C1QTNF3: variants seen among roughly 807,000 people sequenced by gnomAD.
C1QTNF3 encodes the protein C1q and TNF related 3.
C1QTNF3 carries 26 observed loss-of-function variants against 32.6 expected under a neutral mutation model. The observed-to-expected ratio is 0.80, with a 90% confidence interval of 0.58 to 1.11. The LOEUF (loss-of-function observed/expected upper bound fraction) is 1.11. C1QTNF3 is among the 50% of genes least tolerant of loss of function. The probability of loss-of-function intolerance (pLI) is 0.00; values close to 1 mark genes in which losing one functional copy is unlikely to be tolerated. For synonymous variants in C1QTNF3, 155 were observed against 146.0 expected (o/e 1.06, Z -0.44); for missense variants, 362 against 398.2 (o/e 0.91, Z 0.77).
At position 34,020,639 on chromosome 5, in the gene C1QTNF3, C is replaced by G; in HGVS notation, c.904G>C (p.Gly302Arg). 6.2e-7 allele frequency: 1 copy of G among 1,614,214 alleles called. No homozygotes were observed. Among genetic ancestry groups the G allele is most frequent in the Non-Finnish European group, 8.5e-7 (1 of 1,180,038 alleles). ...AAGGTGGAGAAGCGTTGGTGGTCCC[C>G]ATGGAGAGCGCCATTGCCCATTCGC... ...WLRMGNGALH[G>R]DHQRFSTFAG... is the part of the protein sequence containing the mutation. Residue 302 changes from glycine (G) to arginine (R), a missense_variant, in exon 6 of 6, where the codon GGG becomes CGG. By Grantham distance (125) the Gly-to-Arg change is moderately radical (BLOSUM62 -2). Transcript: ENST00000382065.
chr5:34,227,984 T>A, the C1QTNF3 span, among the ~76,000 whole-genome samples: 3 of 151,706 alleles, frequency 2.0e-5, no homozygotes, highest in East Asian at 5.8e-4. Context: ...AATCCTTTTT[T>A]TTTTTTTTTC....
chr5:34,066,307 G>A, the C1QTNF3 span, among the ~76,000 whole-genome samples: 1 of 152,132 alleles, frequency 6.6e-6, no homozygotes, highest in African/African-American at 2.4e-5. Context: ...TGACATTCCT[G>A]GTTGGGGGAG....
intron 5 of C1QTNF3, among the ~76,000 whole-genome samples, chr5:34,022,584 G>T (rs1277318679): frequency 1.3e-5 from 2 of 152,218 alleles, no homozygotes; most frequent in African/African-American, 4.8e-5. Context: ...GTAGGAAGAA[G>T]AATTCAGCAG....
chr5:34,057,915 C>T, the C1QTNF3 span, among the ~76,000 whole-genome samples: 1 of 152,182 alleles, frequency 6.6e-6, no homozygotes, highest in Non-Finnish European at 1.5e-5. Flanking sequence ...TCGTGCCATG[C>T]CATTAACCAG....
At chr5:34,237,082 G>A in the C1QTNF3 span, among the ~76,000 whole-genome samples, 7 of 152,280 alleles carry the variant, frequency 4.6e-5, no homozygotes, top group East Asian at 1.4e-3. Flanking sequence ...CAGATATAGA[G>A]AATGATTGAA....
At chr5:34,226,724 A>C in the C1QTNF3 span, among the ~76,000 whole-genome samples, 1 of 151,732 alleles carries the variant, frequency 6.6e-6, no homozygotes, top group East Asian at 1.9e-4. Context: ...CTAAGAGCCT[A>C]CTGTTGACTG....
At chr5:34,034,568 C>G (rs964477967) in intron 2 of C1QTNF3, among the ~76,000 whole-genome samples, 6 of 152,176 alleles carry the variant, frequency 3.9e-5, no homozygotes, top group Non-Finnish European at 8.8e-5. Context: ...GCATGCTACC[C>G]TTGGTTGGTT....
At chr5:34,233,959 C>A in the C1QTNF3 span, among the ~76,000 whole-genome samples, 1 of 152,072 alleles carries the variant, frequency 6.6e-6, no homozygotes, top group Non-Finnish European at 1.5e-5. Context: ...AGACTTTTTA[C>A]ATTTTGCAAT....
the C1QTNF3 span, among the ~76,000 whole-genome samples, chr5:34,063,661 G>A: frequency 2.0e-5 from 3 of 152,172 alleles, no homozygotes; most frequent in African/African-American, 7.2e-5. Context: ...CCCATGTTGA[G>A]AGCTGTATAC....
chr5:34,238,780 A>C, the C1QTNF3 span, among the ~76,000 whole-genome samples: 1 of 152,144 alleles, frequency 6.6e-6, no homozygotes, highest in Non-Finnish European at 1.5e-5. Flanking sequence ...AATCCAAAAA[A>C]TACAGCAAAC....
chr5:34,047,326 C>G (rs1397969428), upstream of C1QTNF3, among the ~76,000 whole-genome samples: 1 of 152,226 alleles, frequency 6.6e-6, no homozygotes, highest in Non-Finnish European at 1.5e-5. Flanking sequence ...CATGTAAAAG[C>G]CAGATCTGTG....
At chr5:34,133,149 T>C in the C1QTNF3 span, among the ~76,000 whole-genome samples, 1 of 152,228 alleles carries the variant, frequency 6.6e-6, no homozygotes, top group Non-Finnish European at 1.5e-5. Flanking sequence ...TTCTTCTCTC[T>C]ATCCTTTGCA....
chr5:34,021,911 T>C (rs1177395824), intron 5 of C1QTNF3, among the ~76,000 whole-genome samples: 1 of 152,132 alleles, frequency 6.6e-6, no homozygotes, highest in Non-Finnish European at 1.5e-5. Flanking sequence ...TGCACATGTA[T>C]CCTGGAACTT....
At chr5:34,135,554 T>A in the C1QTNF3 span, among the ~76,000 whole-genome samples, 1 of 152,078 alleles carries the variant, frequency 6.6e-6, no homozygotes, top group Admixed American at 6.6e-5. Flanking sequence ...GGTCCTGGAC[T>A]TTTTTTGGTT....
the C1QTNF3 span, among the ~76,000 whole-genome samples, chr5:34,142,711 G>A: frequency 1.3e-5 from 2 of 152,172 alleles, no homozygotes; most frequent in Non-Finnish European, 2.9e-5. Flanking sequence ...CCAAGAGCAA[G>A]AACTCAGCCA....
intron 4 of C1QTNF3, among the ~76,000 whole-genome samples, chr5:34,027,041 T>C (rs1754479240): frequency 6.6e-6 from 1 of 152,226 alleles, no homozygotes; most frequent in South Asian, 2.1e-4. Context: ...CCTAGGTTCA[T>C]TATTTATTTT....
the C1QTNF3 span, among the ~76,000 whole-genome samples, chr5:34,073,551 C>T: frequency 1.3e-5 from 2 of 152,108 alleles, no homozygotes; most frequent in African/African-American, 4.8e-5. Context: ...GAACAAATCA[C>T]CTTCAACACA....
At chr5:34,043,227 G>T (rs992152482), upstream of C1QTNF3, 5 of 1,282,318 alleles carry the variant, frequency 3.9e-6, no homozygotes, top group African/African-American at 7.4e-5. Context: ...AGCTGCAGCG[G>T]CGGAGTGGTT....
the C1QTNF3 span, among the ~76,000 whole-genome samples, chr5:34,169,441 G>C: frequency 2.0e-5 from 3 of 151,854 alleles, no homozygotes; most frequent in Admixed American, 1.3e-4. Context: ...CAAATCCTTT[G>C]CCCATTTTTT....
Sources: gnomAD v4.1 joint callset for allele counts (sites outside exome capture counted in the v4.1 genomes callset) on GRCh38, gnomAD v4.1.1 for gene constraint, MANE v1.5 for transcripts, NCBI Gene and HGNC (gene_info 2026-07-23, HGNC 2026-07-21) for gene names.